Variants in PKNOX2 observed in about 807,000 individuals in gnomAD.
PKNOX2 encodes PBX/knotted 1 homeobox 2.
Under a neutral mutation model 53.1 loss-of-function variants are expected in PKNOX2, and 14 were observed. The ratio of observed to expected loss-of-function variants is 0.26; its 90% CI spans 0.17 to 0.41. The LOEUF is 0.41. Ranked by LOEUF, PKNOX2 falls within the 10% of genes least tolerant of loss-of-function variation. The probability of loss-of-function intolerance (pLI) is 1.00; values close to 1 mark genes in which losing one functional copy is unlikely to be tolerated. For synonymous variants in PKNOX2, 257 were observed against 242.8 expected (o/e 1.06, Z -0.54); for missense variants, 496 against 602.8 (o/e 0.82, Z 1.85).
chr11:125,179,049 A>G (rs888150424), intron 1 of PKNOX2, among the ~76,000 whole-genome samples: 1 of 152,214 alleles, frequency 6.6e-6, no homozygotes, highest in East Asian at 1.9e-4. Context: ...CTCTGGCCAC[A>G]CCCGTAGAAC....
intron 2 of PKNOX2, among the ~76,000 whole-genome samples, chr11:125,312,686 C>T (rs1233897834): frequency 2.0e-5 from 3 of 152,126 alleles, no homozygotes; most frequent in Non-Finnish European, 4.4e-5. Context: ...CCACCCACCT[C>T]GAGGAGCTCC....
intron 2 of PKNOX2, among the ~76,000 whole-genome samples, chr11:125,284,461 C>T (rs181876315): frequency 2.6e-5 from 4 of 152,308 alleles, no homozygotes; most frequent in East Asian, 3.9e-4. Flanking sequence ...GAAATAGCAT[C>T]GCCAGAGAAC....
intron 1 of PKNOX2, among the ~76,000 whole-genome samples, chr11:125,218,719 C>G (rs1489766595): frequency 6.6e-6 from 1 of 152,116 alleles, no homozygotes; most frequent in Non-Finnish European, 1.5e-5. Context: ...GGGGACCAGA[C>G]CTTTGTAAGA....
chr11:125,338,145 C>T (rs1020868483), intron 3 of PKNOX2, among the ~76,000 whole-genome samples: 1 of 152,212 alleles, frequency 6.6e-6, no homozygotes, highest in Non-Finnish European at 1.5e-5. Context: ...GAGCTCTCTG[C>T]CTGACCTTCC....
At chr11:125,423,260 C>T (rs568057418) in intron 10 of PKNOX2, among the ~76,000 whole-genome samples, 1 of 152,122 alleles carries the variant, frequency 6.6e-6, no homozygotes, top group Admixed American at 6.5e-5. Context: ...CTCTAGAGTC[C>T]GTGTTCTCAC....
chr11:125,171,083 G>C (rs2135193273), intron 1 of PKNOX2, among the ~76,000 whole-genome samples: 1 of 152,294 alleles, frequency 6.6e-6, no homozygotes, highest in East Asian at 1.9e-4. Flanking sequence ...TTAGGACGTA[G>C]TCTTTTGTGT....
At chr11:125,189,407 A>ATATATATGTGTGTATATATATATGTGTG (rs1369604651) in intron 1 of PKNOX2, among the ~76,000 whole-genome samples, 2 of 43,908 alleles carry the variant, frequency 4.6e-5, no homozygotes, top group Non-Finnish European at 9.3e-5. Context: ...ATGTGTGTAT[A>ATATATATGTGTGTATATATATATGTGTG]TATATATGTG....
intron 7 of PKNOX2, among the ~76,000 whole-genome samples, chr11:125,399,448 C>T (rs745910389): frequency 2.5e-4 from 38 of 152,244 alleles, no homozygotes; most frequent in Middle Eastern, 3.4e-3. Flanking sequence ...GGTGACGCTG[C>T]GCAGTCCCGG....
chr11:125,381,339 GC>G (rs1471465901), intron 5 of PKNOX2, among the ~76,000 whole-genome samples: 1 of 152,214 alleles, frequency 6.6e-6, no homozygotes, highest in African/African-American at 2.4e-5. Flanking sequence ...ACAGTACCCT[GC>G]CCTCCAACCC....
intron 1 of PKNOX2, among the ~76,000 whole-genome samples, chr11:125,220,832 C>A (rs564711945): frequency 6.6e-6 from 1 of 152,332 alleles, no homozygotes; most frequent in Non-Finnish European, 1.5e-5. Flanking sequence ...GTAGACACAA[C>A]AGCAAAATCC....
intron 2 of PKNOX2, among the ~76,000 whole-genome samples, chr11:125,245,530 C>A (rs1294850965): frequency 6.6e-6 from 1 of 152,226 alleles, no homozygotes; most frequent in South Asian, 2.1e-4. Context: ...GGCTTTGAAT[C>A]AGGAATGGTG....
At chr11:125,288,430 C>T (rs939069438) in intron 2 of PKNOX2, among the ~76,000 whole-genome samples, 3 of 152,244 alleles carry the variant, frequency 2.0e-5, no homozygotes, top group Admixed American at 6.5e-5. Context: ...CCATCACAAA[C>T]ACTTCCTGAT....
At position 125,202,723 on chromosome 11, in the gene PKNOX2, G is replaced by C. The variant is rs527513331; in HGVS notation, c.-200-32322G>C. 3.9e-4 allele frequency among the ~76,000 whole-genome samples: 59 copies of C among 152,098 alleles called. 1 individual carries two copies. The highest frequency in any genetic ancestry group is 2.7e-3 in the Admixed American group (42 of 15,294). ...GGGCTCTGGGGAGGCTGTGGGTTGG[G>C]GGGGAGGGGTGAGTGCTCTGGGACA... On this transcript the variant is annotated intron_variant, in intron 1 of 12. Coordinates refer to ENST00000298282, the MANE Select transcript of PKNOX2 (RefSeq NM_001382323.2).
At chr11:125,283,535 C>G (rs1256020605) in intron 2 of PKNOX2, among the ~76,000 whole-genome samples, 5 of 152,174 alleles carry the variant, frequency 3.3e-5, no homozygotes, top group African/African-American at 1.2e-4. Context: ...GTGGAATAAA[C>G]AGTGATAGAC....
intron 1 of PKNOX2, among the ~76,000 whole-genome samples, chr11:125,204,843 G>T (rs1277674343): frequency 6.6e-6 from 1 of 152,134 alleles, no homozygotes; most frequent in Non-Finnish European, 1.5e-5. Context: ...AGCTCCTGGG[G>T]TATACCTGTT....
chr11:125,344,142 C>T (rs1381143377), intron 3 of PKNOX2, among the ~76,000 whole-genome samples: 1 of 152,166 alleles, frequency 6.6e-6, no homozygotes, highest in East Asian at 1.9e-4. Flanking sequence ...CAGAGGGACC[C>T]GGCACCCTCT....
intron 3 of PKNOX2, chr11:125,332,820 C>A (rs1464165183): frequency 2.0e-5 from 3 of 152,132 alleles, no homozygotes; most frequent in African/African-American, 7.2e-5. Flanking sequence ...GAGAGTTAAT[C>A]ACAAAGATGA....
At chr11:125,202,720 TG>T (rs552127622) in intron 1 of PKNOX2, among the ~76,000 whole-genome samples, 16 of 133,484 alleles carry the variant, frequency 1.2e-4, no homozygotes, top group African/African-American at 3.6e-4. Context: ...GGCTGTGGGT[TG>T]GGGGGGAGGG....
At position 125,422,870 on chromosome 11, in the gene PKNOX2, T is replaced by G. The variant is rs1956237080; in HGVS notation, c.937-6142T>G. Among the ~76,000 whole-genome samples, 1 of 152,194 alleles carries G rather than the reference T, an allele frequency of 6.6e-6. No homozygotes were observed. Among genetic ancestry groups the G allele is most frequent in the African/African-American group, 2.4e-5 (1 of 41,428 alleles). ...TTTGTATGCTCACAGAAGGGGCTGC[T>G]GGGAGGCTCCTGCCATCTGCCAGGA... On this transcript the variant is annotated intron_variant, in intron 10 of 12. Coordinates refer to ENST00000298282, the MANE Select transcript of PKNOX2 (RefSeq NM_001382323.2). This position sits in a 1 kb window ranked among gnomAD's most constrained non-coding sequence, Gnocchi z 4.1.
Sources: allele counts gnomAD v4.1 joint callset (sites outside exome capture counted in the v4.1 genomes callset), GRCh38; gene constraint gnomAD v4.1.1; non-coding constraint Gnocchi (gnomAD v3.1); transcripts MANE v1.5; gene names NCBI Gene and HGNC (gene_info 2026-07-23, HGNC 2026-07-21).